The following FMN1 variants were observed in gnomAD, a reference collection of about 807,000 sequenced individuals.
The protein encoded by FMN1 is formin-1.
Under a neutral mutation model 132.4 loss-of-function variants are expected in FMN1, and 110 were observed. The observed-to-expected ratio is 0.83, with a 90% CI of 0.71 to 0.97. The LOEUF is 0.97. FMN1 is among the 50% of genes least tolerant of loss of function. FMN1 has a pLI of 0.00. For missense variants in FMN1, 1,792 were observed against 1,705.3 expected, an observed-to-expected ratio of 1.05 and a Z score of -0.90; for synonymous variants, 722 against 651.7, an observed-to-expected ratio of 1.11 and a Z score of -1.64.
intron 6 of FMN1, chr15:33,062,599 G>A (rs1419388936): frequency 6.6e-6 from 1 of 152,172 alleles, no homozygotes; most frequent in African/African-American, 2.4e-5. Context: ...TCCAGCCTGG[G>A]CGACAGAGTG....
At chr15:32,958,424 C>CT (rs1244449205) in intron 9 of FMN1, among the ~76,000 whole-genome samples, 2 of 152,122 alleles carry the variant, frequency 1.3e-5, no homozygotes, top group African/African-American at 2.4e-5. Flanking sequence ...CTACAAGTCA[C>CT]TTTATCTTTC....
At chr15:33,116,275 CTT>C (rs1227821710) in intron 4 of FMN1, among the ~76,000 whole-genome samples, 1 of 152,300 alleles carries the variant, frequency 6.6e-6, no homozygotes, top group African/African-American at 2.4e-5. Flanking sequence ...TTATAAAACT[CTT>C]TTAAAGTATC....
At chr15:32,859,230 G>A (rs960862613) in intron 16 of FMN1, among the ~76,000 whole-genome samples, 9 of 152,158 alleles carry the variant, frequency 5.9e-5, no homozygotes, top group Non-Finnish European at 1.2e-4. Context: ...CTTGTCCCCT[G>A]AAAACAAAGG....
chr15:33,159,050 C>T (rs1964788562), intron 3 of FMN1, among the ~76,000 whole-genome samples: 1 of 152,162 alleles, frequency 6.6e-6, no homozygotes, highest in South Asian at 2.1e-4. Flanking sequence ...GGCATGGTGG[C>T]ACATGCCCGT....
rs544354524 is a variant in FMN1 at position 33,023,664 on chromosome 15, G to A, written c.2162-15589C>T. 2.0e-5 allele frequency among the ~76,000 whole-genome samples: 3 copies of A among 152,256 alleles called. No homozygotes were observed. The South Asian group carries it at 6.2e-4, about 32-fold the overall frequency. On this transcript the variant is annotated intron_variant, in intron 6 of 20. Coordinates refer to ENST00000616417, the MANE Select transcript of FMN1 (RefSeq NM_001277313.2). ...TAATTAATTGAAAGTGCAGCATGGT[G>A]CAAGAAAGGATAATAGGAAAGAGCA...
chr15:33,156,285 T>G (rs1331526343), intron 3 of FMN1, among the ~76,000 whole-genome samples: 2 of 148,474 alleles, frequency 1.3e-5, no homozygotes, highest in African/African-American at 5.0e-5. Context: ...TTTTTTTTTT[T>G]TTTTTTTTTT....
At chr15:33,068,137 G>C in intron 5 of FMN1, 1 of 755,546 alleles carries the variant, frequency 1.3e-6, no homozygotes, top group Admixed American at 3.9e-5. Flanking sequence ...CCGAGGCTGC[G>C]CACCTTACTA....
At chr15:33,056,965 C>T (rs1442055711) in intron 6 of FMN1, among the ~76,000 whole-genome samples, 1 of 152,100 alleles carries the variant, frequency 6.6e-6, no homozygotes, top group African/African-American at 2.4e-5. Context: ...CACTGGAGGT[C>T]AGGAATTCAA....
At chr15:32,959,593 A>G (rs991542182) in intron 9 of FMN1, among the ~76,000 whole-genome samples, 6 of 152,222 alleles carry the variant, frequency 3.9e-5, no homozygotes, top group African/African-American at 1.4e-4. Flanking sequence ...CACGGATTCC[A>G]TGGGGCAATG....
At chr15:32,908,441 A>G in intron 12 of FMN1, 49 bp downstream of exon 12, 1 of 1,213,362 alleles carries the variant, frequency 8.2e-7, no homozygotes, top group Non-Finnish European at 1.2e-6. Flanking sequence ...AGAAGACAGA[A>G]ATTGCAGTTC....
At chr15:32,916,616 G>A (rs2060691493) in intron 10 of FMN1, among the ~76,000 whole-genome samples, 1 of 152,160 alleles carries the variant, frequency 6.6e-6, no homozygotes, top group Admixed American at 6.6e-5. Flanking sequence ...TTTGTACGTA[G>A]CCTGTTTTAT....
At chr15:32,796,030 T>G (rs1421603794) in intron 19 of FMN1, among the ~76,000 whole-genome samples, 1 of 152,246 alleles carries the variant, frequency 6.6e-6, no homozygotes, top group Non-Finnish European at 1.5e-5. Context: ...CACAAGAACT[T>G]AGGACATTTT....
intron 16 of FMN1, among the ~76,000 whole-genome samples, chr15:32,861,425 G>A (rs2059265619): frequency 1.3e-5 from 2 of 152,306 alleles, no homozygotes; most frequent in South Asian, 4.1e-4. Context: ...TATCATGGGG[G>A]TGGTAAAGAG....
At chr15:32,902,838 G>C (rs2060330758) in intron 12 of FMN1, among the ~76,000 whole-genome samples, 1 of 152,134 alleles carries the variant, frequency 6.6e-6, no homozygotes. Context: ...GGGTATAAAT[G>C]AAAATGGGTG....
At chr15:33,127,424 CTTGAG>C (rs1428285088) in intron 4 of FMN1, among the ~76,000 whole-genome samples, 1 of 152,166 alleles carries the variant, frequency 6.6e-6, no homozygotes, top group African/African-American at 2.4e-5. Flanking sequence ...CAACTATTTC[CTTGAG>C]TTAATGAGTG....
intron 4 of FMN1, among the ~76,000 whole-genome samples, chr15:33,135,277 T>C (rs1229147376): frequency 1.3e-5 from 2 of 152,234 alleles, no homozygotes; most frequent in Non-Finnish European, 2.9e-5. Context: ...AAGGCCAGTG[T>C]AACCTTTTGA....
At chr15:33,083,700 G>C (rs1038005422) in intron 5 of FMN1, among the ~76,000 whole-genome samples, 10 of 152,174 alleles carry the variant, frequency 6.6e-5, no homozygotes, top group Non-Finnish European at 1.0e-4. Flanking sequence ...ACTTCATCTT[G>C]AATAGGGGAT....
At chr15:32,954,894 A>G (rs2061730597) in intron 9 of FMN1, among the ~76,000 whole-genome samples, 1 of 152,100 alleles carries the variant, frequency 6.6e-6, no homozygotes, top group South Asian at 2.1e-4. Flanking sequence ...AGTCCCAGCT[A>G]CTCTGGAGGC....
intron 15 of FMN1, among the ~76,000 whole-genome samples, chr15:32,898,104 C>A (rs781361922): frequency 1.4e-4 from 22 of 152,148 alleles, no homozygotes; most frequent in Non-Finnish European, 2.9e-4. Flanking sequence ...GATGAAACTG[C>A]AGGCCTATTG....
Sources: gnomAD v4.1 joint callset for allele counts (sites outside exome capture counted in the v4.1 genomes callset) on GRCh38, gnomAD v4.1.1 for gene constraint, MANE v1.5 for transcripts, NCBI Gene and HGNC (gene_info 2026-07-23, HGNC 2026-07-21) for gene names.